Variants in POLR3B observed in about 807,000 individuals in gnomAD.
The protein encoded by POLR3B is DNA-directed RNA polymerase III subunit RPC2.
A neutral mutation model predicts 147.4 loss-of-function variants in POLR3B; 96 were observed. The ratio of observed to expected loss-of-function variants is 0.65; its 90% CI spans 0.55 to 0.77. The LOEUF (loss-of-function observed/expected upper bound fraction) is 0.77, where lower values mean the gene tolerates loss of function less well. POLR3B is among the 30% of genes least tolerant of loss of function. The pLI, the probability that POLR3B is intolerant of heterozygous loss-of-function variation, is 0.00. For synonymous variants in POLR3B, 461 were observed against 485.9 expected, an observed-to-expected ratio of 0.95 and a Z score of 0.67; for missense variants, 1,036 against 1,413.5, an observed-to-expected ratio of 0.73 and a Z score of 4.28.
At chr12:106,458,895 A>G (rs1285372768) in intron 21 of POLR3B, among the ~76,000 whole-genome samples, 1 of 152,246 alleles carries the variant, frequency 6.6e-6, no homozygotes, top group Non-Finnish European at 1.5e-5. Context: ...TGGTTGAAAT[A>G]ACTATAAATA....
intron 18 of POLR3B, among the ~76,000 whole-genome samples, chr12:106,442,210 A>G (rs2037661919): frequency 6.6e-6 from 1 of 151,838 alleles, no homozygotes; most frequent in Non-Finnish European, 1.5e-5. Flanking sequence ...ACTTCCAGTA[A>G]TTATTAGATA....
intron 11 of POLR3B, among the ~76,000 whole-genome samples, chr12:106,406,484 C>T (rs894903037): frequency 6.6e-6 from 1 of 152,162 alleles, no homozygotes; most frequent in African/African-American, 2.4e-5. Flanking sequence ...AGTACATTCA[C>T]ATTATTGTAC....
At chr12:106,373,579 CCT>C (rs1228014240) in intron 6 of POLR3B, among the ~76,000 whole-genome samples, 3 of 152,012 alleles carry the variant, frequency 2.0e-5, no homozygotes, top group African/African-American at 7.2e-5. Flanking sequence ...CATAGTGAAA[CCT>C]CACCTCTACT....
At chr12:106,487,090 G>A (rs1592770209) in intron 23 of POLR3B, among the ~76,000 whole-genome samples, 2 of 152,204 alleles carry the variant, frequency 1.3e-5, no homozygotes, top group East Asian at 3.8e-4. Flanking sequence ...AAGGGGGACT[G>A]CATCAGGCCT....
At chr12:106,431,597 T>C (rs2037511141) in intron 14 of POLR3B, among the ~76,000 whole-genome samples, 1 of 152,226 alleles carries the variant, frequency 6.6e-6, no homozygotes, top group Non-Finnish European at 1.5e-5. Flanking sequence ...AAAAAAGTGA[T>C]GAAACTGGTA....
At chr12:106,442,281 T>C (rs1258281705) in intron 18 of POLR3B, among the ~76,000 whole-genome samples, 1 of 152,156 alleles carries the variant, frequency 6.6e-6, no homozygotes, top group Non-Finnish European at 1.5e-5. Context: ...TTTCTTTTCA[T>C]TTTTCAACTC....
At chr12:106,432,229 C>G in intron 14 of POLR3B, 89 bp from the exon 15 acceptor site, 1 of 1,220,618 alleles carries the variant, frequency 8.2e-7, no homozygotes, top group Non-Finnish European at 1.2e-6. Flanking sequence ...TGCATTGCTG[C>G]CAGCAAAGTA....
intron 14 of POLR3B, among the ~76,000 whole-genome samples, chr12:106,431,053 T>C (rs1045700461): frequency 6.6e-6 from 1 of 152,212 alleles, no homozygotes; most frequent in Non-Finnish European, 1.5e-5. Context: ...CTATTCCTTC[T>C]AAATTGTAAA....
rs374618125 is a variant in POLR3B at position 106,433,712 on chromosome 12, T to C, written c.1628-7T>C. 1.2e-6 allele frequency: 2 copies of C among 1,611,034 alleles called. No homozygotes were observed. The highest frequency in any genetic ancestry group is 1.7e-6 in the Non-Finnish European group (2 of 1,178,762). ...TTCTGTCTTACCTGTTCTTTCTTTT[T>C]GCCTAGGTAACATCTTAGGTGTCAT... On this transcript the variant is annotated splice_region_variant and splice_polypyrimidine_tract_variant and intron_variant, in intron 15 of 27. Transcript: ENST00000228347.
At chr12:106,378,852 A>G (rs571840717) in intron 8 of POLR3B, among the ~76,000 whole-genome samples, 85 of 152,310 alleles carry the variant, frequency 5.6e-4, no homozygotes, top group African/African-American at 1.9e-3. Flanking sequence ...TTCACAGTGT[A>G]TTCATTTTTA....
chr12:106,447,922 A>G (rs1436459852), intron 19 of POLR3B, among the ~76,000 whole-genome samples: 3 of 152,084 alleles, frequency 2.0e-5, no homozygotes, highest in Non-Finnish European at 4.4e-5. Flanking sequence ...TTCTTCCTTT[A>G]TGTTCCGCAC....
At chr12:106,484,047 C>T (rs867339761) in intron 23 of POLR3B, among the ~76,000 whole-genome samples, 40 of 152,136 alleles carry the variant, frequency 2.6e-4, no homozygotes, top group African/African-American at 9.4e-4. Context: ...AGGTGAGCTG[C>T]GGGCAGGTCT....
chr12:106,491,036 T>A (rs1029787535), intron 23 of POLR3B, among the ~76,000 whole-genome samples: 1 of 152,220 alleles, frequency 6.6e-6, no homozygotes, highest in African/African-American at 2.4e-5. Flanking sequence ...CAACTGCAAC[T>A]GCTCCTTCTA....
intron 10 of POLR3B, 152 bp downstream of exon 10, chr12:106,393,305 C>G (rs2036937134): frequency 8.4e-7 from 1 of 1,193,508 alleles, no homozygotes; most frequent in East Asian, 2.4e-5. Context: ...CTTTAACTCA[C>G]TTTCGTCAGG....
intron 23 of POLR3B, among the ~76,000 whole-genome samples, chr12:106,477,584 C>T (rs1227701573): frequency 3.3e-5 from 5 of 151,984 alleles, no homozygotes; most frequent in African/African-American, 4.8e-5. Context: ...TTTTTTAAGC[C>T]GGTCTGAAAA....
rs2136869958 is a variant in POLR3B, at chr12:106,357,909, C to T, written c.30C>T (p.Asn10=). Reference sequence around the variant, plus strand: ...ACGTGCTAGCGGAGGAGTTTGGGAACCTGACTCCGGAGCAGCTGGCGGCGC... The same window carrying T: ...ACGTGCTAGCGGAGGAGTTTGGGAATCTGACTCCGGAGCAGCTGGCGGCGC... MDVLAEEFG[N]LTPEQLAAPI... Residue 10 remains asparagine, a synonymous_variant, in exon 1 of 28, where the codon AAC becomes AAT. Transcript: ENST00000228347. 6.2e-7 allele frequency: 1 copy of T among 1,613,628 alleles called. No individual in the cohort carries two copies. Among genetic ancestry groups the T allele is most frequent in the South Asian group, 1.1e-5 (1 of 91,036 alleles).
chr12:106,397,865 A>C (rs2037001555), intron 10 of POLR3B, among the ~76,000 whole-genome samples: 1 of 152,230 alleles, frequency 6.6e-6, no homozygotes, highest in Admixed American at 6.5e-5. Context: ...ATTGCTGTTA[A>C]GGAGCCAAGA....
intron 27 of POLR3B, among the ~76,000 whole-genome samples, chr12:106,505,775 G>A (rs2038677959): frequency 6.6e-6 from 1 of 152,134 alleles, no homozygotes. Context: ...AGGAATTTGT[G>A]GGCCACCTTT....
chr12:106,424,691 G>GT (rs2037414022), intron 12 of POLR3B, among the ~76,000 whole-genome samples: 1 of 151,928 alleles, frequency 6.6e-6, no homozygotes, highest in South Asian at 2.1e-4. Context: ...TAGTGAAGGT[G>GT]TTTTTTCTCT....
Sources: allele counts gnomAD v4.1 joint callset (sites outside exome capture counted in the v4.1 genomes callset), GRCh38; gene constraint gnomAD v4.1.1; transcripts MANE v1.5; gene names NCBI Gene and HGNC (gene_info 2026-07-23, HGNC 2026-07-21).